The following CCL8 variants were observed in gnomAD, a reference collection of about 807,000 sequenced individuals.
CCL8 encodes C-C motif chemokine 8.
A neutral mutation model predicts 6.6 loss-of-function variants in CCL8; 3 were observed. The ratio of observed to expected loss-of-function variants is 0.45; its 90% CI spans 0.21 to 1.17. The LOEUF (loss-of-function observed/expected upper bound fraction) is 1.17. Among genes scored for constraint, CCL8 ranks in the 50% most tolerant of loss-of-function variants. CCL8 has a pLI of 0.24. For missense variants in CCL8, 127 were observed against 118.1 expected (o/e 1.08, Z -0.35); for synonymous variants, 49 against 41.8 (o/e 1.17, Z -0.67).
chr17:34,319,946 T>C (rs898878525), intron 1 of CCL8, among the ~76,000 whole-genome samples: 3 of 152,166 alleles, frequency 2.0e-5, no homozygotes, highest in African/African-American at 7.2e-5. Context: ...GCGTATGGCA[T>C]AGGCTAACTC....
At chr17:34,320,037 C>G (rs1170088011) in intron 1 of CCL8, among the ~76,000 whole-genome samples, 2 of 152,142 alleles carry the variant, frequency 1.3e-5, no homozygotes, top group Non-Finnish European at 2.9e-5. Flanking sequence ...GGTTAGTAGA[C>G]AAGGACTAGC....
At chr17:34,319,627 G>A (rs201281336) in intron 1 of CCL8, 50 bp downstream of exon 1, 4 of 1,380,546 alleles carry the variant, frequency 2.9e-6, no homozygotes, top group East Asian at 2.3e-5. Context: ...ATTAAGAAGA[G>A]CCATTATGTC....
chr17:34,320,246 A>T (rs1314220605), intron 1 of CCL8, 23 bp from the exon 2 acceptor site: 1 of 1,515,252 alleles, frequency 6.6e-7, no homozygotes, highest in East Asian at 2.3e-5. Flanking sequence ...TAAATGTCTC[A>T]TTCTTTGCAA....
Position 34,321,057 on chromosome 17 carries a change from TATTTA to T in CCL8, c.*154_*158del. 1.9e-6 allele frequency: 1 copy of T among 539,728 alleles called. No homozygotes were observed. Among genetic ancestry groups the T allele is most frequent in the Admixed American group, 4.0e-5 (1 of 24,948 alleles). The allele number at this position is 539,728 out of a possible 1,614,324, so 33.4% of individuals were successfully genotyped here. On this transcript the variant is annotated 3_prime_UTR_variant, in exon 3 of 3. Coordinates refer to ENST00000394620, the MANE Select transcript of CCL8 (RefSeq NM_005623.3). The stretch of plus-strand genomic sequence containing the variant: ...TTAAAGCATAATATTTCTTAAAAAG[TATTTA>T]ATTATATTTAAGTTGTTGATGTTTT...
At chr17:34,320,469 G>A (rs896516804) in intron 2 of CCL8, 83 bp downstream of exon 2, 22 of 892,748 alleles carry the variant, frequency 2.5e-5, no homozygotes, top group Admixed American at 1.6e-4. Context: ...CATATGAGTC[G>A]GATGCATATA....
chr17:34,319,547 A>G lies in CCL8; in HGVS notation c.46A>G (p.Thr16Ala). 8.1e-6 allele frequency: 13 copies of G among 1,613,844 alleles called. No individual in the cohort carries two copies. Among genetic ancestry groups the G allele is most frequent in the Non-Finnish European group, 1.1e-5 (13 of 1,179,786 alleles). Residue 16 changes from threonine to alanine, a missense_variant, in exon 1 of 3, where the codon ACT becomes GCT. By Grantham distance (58) the Thr-to-Ala change is moderately conservative. Coordinates refer to ENST00000394620, the MANE Select transcript of CCL8 (RefSeq NM_005623.3). ...ALLCLLLMAA[T>A]FSPQGLAQPD... ...TCTGTGCCTGCTGCTCATGGCAGCC[A>G]CTTTCAGCCCTCAGGGACTTGCTCA...
In CCL8 at chr17:34,319,548, C is replaced by T; in HGVS notation, c.47C>T (p.Thr16Ile). 6.2e-7 allele frequency: 1 copy of T among 1,613,826 alleles called. No individual in the cohort carries two copies. The highest frequency in any genetic ancestry group is 8.5e-7 in the Non-Finnish European group (1 of 1,179,804). ...ALLCLLLMAA[T>I]FSPQGLAQPD... ...CTGTGCCTGCTGCTCATGGCAGCCA[C>T]TTTCAGCCCTCAGGGACTTGCTCAG... The change falls in exon 1 of 3, where the codon ACT (threonine) becomes ATT (isoleucine). Residue 16 changes from threonine (T) to isoleucine (I), a missense_variant. Coordinates refer to ENST00000394620, the MANE Select transcript of CCL8 (RefSeq NM_005623.3).
rs1212406903 is a variant in CCL8, at chr17:34,320,791, C to A, written c.195-11C>A. 23 of 1,557,328 alleles carry A rather than the reference C, an allele frequency of 1.5e-5. No homozygotes were observed. Among genetic ancestry groups the A allele is most frequent in the Non-Finnish European group, 2.0e-5 (23 of 1,137,438 alleles). On this transcript the variant is annotated splice_polypyrimidine_tract_variant and intron_variant, in intron 2 of 2. Transcript: ENST00000394620. The stretch of plus-strand genomic sequence containing the variant: ...AGTCTTCCATCTAATTGTGCCCTCT[C>A]TCCCCCACAGCTTCAAGACCAAACG...
rs1355076077 is a variant in CCL8, at chr17:34,320,307, A to T, written c.115A>T (p.Ile39Phe). 6.2e-7 allele frequency: 1 copy of T among 1,613,764 alleles called. No individual in the cohort carries two copies. Among genetic ancestry groups the T allele is most frequent in the Admixed American group, 1.7e-5 (1 of 59,986 alleles). The change falls in exon 2 of 3, where the codon ATC (isoleucine) becomes TTC (phenylalanine). Residue 39 changes from isoleucine (I) to phenylalanine (F), a missense_variant. Ile to Phe is a conservative substitution (Grantham distance 21, BLOSUM62 0). Coordinates refer to ENST00000394620, the MANE Select transcript of CCL8 (RefSeq NM_005623.3). ...TCCAATCACCTGCTGCTTTAACGTG[A>T]TCAATAGGAAAATTCCTATCCAGAG... ...SIPITCCFNV[I>F]NRKIPIQRLE...
At position 34,320,490 on chromosome 17, in the gene CCL8, A is replaced by G. The variant is rs1909486947; in HGVS notation, c.194+104A>G. 3 of 771,904 alleles carry G rather than the reference A, an allele frequency of 3.9e-6. No homozygotes were observed. The East Asian group carries it at 7.5e-5, about 19-fold the overall frequency. 47.8% of individuals were successfully genotyped at this position (771,904 alleles called of 1,614,324 possible). A position where few individuals can be genotyped will look rare whatever the true frequency, so the allele number is the denominator to read the frequency against. On this transcript the variant is annotated intron_variant, in intron 2 of 2. Coordinates refer to ENST00000394620, the MANE Select transcript of CCL8 (RefSeq NM_005623.3). ...AGTCGGATGCATATAACTTCTATCCAAAGGGCCCCTCTACCCCATAGAGAA... is the reference window on the plus strand; with the variant it reads ...AGTCGGATGCATATAACTTCTATCCGAAGGGCCCCTCTACCCCATAGAGAA...
At chr17:34,320,206 T>C in intron 1 of CCL8, 63 bp from the exon 2 acceptor site, 1 of 995,778 alleles carries the variant, frequency 1.0e-6, no homozygotes, top group Non-Finnish European at 1.6e-6. Flanking sequence ...TCTCTTCTTT[T>C]CCTTACAAAT....
intron 2 of CCL8, 44 bp from the exon 3 acceptor site, chr17:34,320,758 A>C (rs1245855352): frequency 8.0e-7 from 1 of 1,251,930 alleles, no homozygotes; most frequent in Non-Finnish European, 1.2e-6. Flanking sequence ...CCTGTGCAGG[A>C]TCTTCAAAGT....
chr17:34,319,444 G>C lies in CCL8; in HGVS notation c.-58G>C. On this transcript the variant is annotated 5_prime_UTR_variant, in exon 1 of 3. Transcript: ENST00000394620. ...AGAGCCACCGAGGAGCAGAGAGGTT[G>C]AGAACAACCCAGAAACCTTCACCTC... 1 of 1,507,760 alleles carries C rather than the reference G, an allele frequency of 6.6e-7. No individual in the cohort carries two copies. The highest frequency in any genetic ancestry group is 9.2e-7 in the Non-Finnish European group (1 of 1,085,250). 93.4% of individuals were successfully genotyped at this position (1,507,760 alleles called of 1,614,324 possible).
At position 34,319,439 on chromosome 17, in the gene CCL8, A is replaced by AG; in HGVS notation, c.-61dup. ...CAGGCAGAGCCACCGAGGAGCAGAG[A>AG]GGTTGAGAACAACCCAGAAACCTTC... On this transcript the variant is annotated 5_prime_UTR_variant, in exon 1 of 3. Coordinates refer to ENST00000394620, the MANE Select transcript of CCL8 (RefSeq NM_005623.3). 1 of 1,409,008 alleles carries AG rather than the reference A, an allele frequency of 7.1e-7. No homozygotes were observed. Among genetic ancestry groups the AG allele is most frequent in the Non-Finnish European group, 1.0e-6 (1 of 995,976 alleles). The allele number at this position is 1,409,008 out of a possible 1,614,324, so 87.3% of individuals were successfully genotyped here.
chr17:34,320,107 G>T (rs1189383839), intron 1 of CCL8, among the ~76,000 whole-genome samples, 162 bp from the exon 2 acceptor site: 1 of 152,132 alleles, frequency 6.6e-6, no homozygotes, highest in Non-Finnish European at 1.5e-5. Flanking sequence ...GTTCAATAGA[G>T]GAAAGAGACT....
rs200364949 is a variant in CCL8 at position 34,321,008 on chromosome 17, A to G, written c.*101A>G. On this transcript the variant is annotated 3_prime_UTR_variant, in exon 3 of 3. Coordinates refer to ENST00000394620, the MANE Select transcript of CCL8 (RefSeq NM_005623.3). ...GTGACATTATTTTATTATAACATCC[A>G]CAAAGAGATTATTTTTAAATAATTT... is the stretch of plus-strand genomic sequence containing the variant. 6 of 643,902 alleles carry G rather than the reference A, an allele frequency of 9.3e-6. No individual in the cohort carries two copies. The highest frequency in any genetic ancestry group is 1.6e-5 in the Non-Finnish European group (6 of 369,834). The allele number at this position is 643,902 out of a possible 1,614,324, so 39.9% of individuals were successfully genotyped here. A position where few individuals can be genotyped will look rare whatever the true frequency, so the allele number is the denominator to read the frequency against.
At chr17:34,319,852 T>A (rs1909468214) in intron 1 of CCL8, among the ~76,000 whole-genome samples, 1 of 152,172 alleles carries the variant, frequency 6.6e-6, no homozygotes, top group Non-Finnish European at 1.5e-5. Context: ...AACTATTGCC[T>A]GAAGCTTCAA....
chr17:34,319,464 C>T lies in CCL8; in HGVS notation c.-38C>T. ...AGGTTGAGAACAACCCAGAAACCTT[C>T]ACCTCTCATGCTGAAGCTCACACCC... is the stretch of plus-strand genomic sequence containing the variant. On this transcript the variant is annotated 5_prime_UTR_variant, in exon 1 of 3. Transcript: ENST00000394620. 1 of 1,593,890 alleles carries T rather than the reference C, an allele frequency of 6.3e-7. No homozygotes were observed. Among genetic ancestry groups the T allele is most frequent in the Non-Finnish European group, 8.6e-7 (1 of 1,162,240 alleles).
intron 2 of CCL8, 52 bp downstream of exon 2, chr17:34,320,438 A>G: frequency 8.9e-7 from 1 of 1,129,002 alleles, no homozygotes. Context: ...TGGACAACAT[A>G]GAGAAGTCAA....
Sources: gnomAD v4.1 joint callset for allele counts (sites outside exome capture counted in the v4.1 genomes callset) on GRCh38, gnomAD v4.1.1 for gene constraint, MANE v1.5 for transcripts, NCBI Gene and HGNC (gene_info 2026-07-23, HGNC 2026-07-21) for gene names.